The following GRID2 variants were observed in gnomAD, a reference collection of about 807,000 sequenced individuals.
The protein encoded by GRID2 is glutamate receptor ionotropic, delta-2.
In GRID2, 33 loss-of-function variants were observed where a neutral mutation model predicts 114.8. That is an observed-to-expected ratio of 0.29 (90% CI 0.22 to 0.38). GRID2 has a LOEUF of 0.38. GRID2 is among the 10% of genes least tolerant of loss of function. The probability of loss-of-function intolerance (pLI) is 1.00; values close to 1 mark genes in which losing one functional copy is unlikely to be tolerated. For missense variants in GRID2, 1,184 were observed against 1,257.7 expected (o/e 0.94, Z 0.89); for synonymous variants, 505 against 449.9 (o/e 1.12, Z -1.55).
intron 2 of GRID2, among the ~76,000 whole-genome samples, chr4:92,685,695 T>A (rs1229565782): frequency 2.0e-5 from 3 of 152,024 alleles, no homozygotes; most frequent in Non-Finnish European, 2.9e-5. Flanking sequence ...AATTTTAATA[T>A]CCAAGATGTT....
chr4:92,456,356 A>G (rs1721215762), intron 1 of GRID2, among the ~76,000 whole-genome samples: 1 of 152,170 alleles, frequency 6.6e-6, no homozygotes, highest in Non-Finnish European at 1.5e-5. Flanking sequence ...AAATTTGACA[A>G]TAACAGCCAA....
chr4:93,074,425 A>G (rs1729081569), intron 2 of GRID2, among the ~76,000 whole-genome samples: 1 of 152,232 alleles, frequency 6.6e-6, no homozygotes, highest in Non-Finnish European at 1.5e-5. Context: ...ACTAGGGTTA[A>G]TATGTTAGCA....
At chr4:93,768,509 A>G (rs763330309) in intron 14 of GRID2, among the ~76,000 whole-genome samples, 1 of 152,190 alleles carries the variant, frequency 6.6e-6, no homozygotes, top group Non-Finnish European at 1.5e-5. Context: ...GGTTTTTCCT[A>G]TTTGAATTTA....
At chr4:92,776,218 G>A (rs1738785665) in intron 2 of GRID2, among the ~76,000 whole-genome samples, 1 of 152,046 alleles carries the variant, frequency 6.6e-6, no homozygotes, top group Non-Finnish European at 1.5e-5. Flanking sequence ...AATAACTTTT[G>A]TGAAATATTG....
intron 2 of GRID2, among the ~76,000 whole-genome samples, chr4:93,066,267 G>C (rs1221096380): frequency 1.3e-5 from 2 of 151,872 alleles, no homozygotes; most frequent in Non-Finnish European, 2.9e-5. Flanking sequence ...ATAGAGAAAA[G>C]TAACACAGTA....
rs767191374 is a variant in GRID2 at position 93,085,039 on chromosome 4, A to G, written c.289A>G (p.Ile97Val). 5 of 1,613,998 alleles carry G rather than the reference A, an allele frequency of 3.1e-6. No homozygotes were observed. The highest frequency in any genetic ancestry group is 3.3e-5 in the Admixed American group (2 of 59,996). Residue 97 changes from isoleucine to valine, a missense_variant, in exon 3 of 16, where the codon ATT becomes GTT. Around this residue, in one of 3 missense-constraint regions of GRID2, gnomAD observed 455 missense variants for 429.5 expected, o/e 1.06. Transcript: ENST00000282020. ...AGGCATCTTGGCCCTGGTCAGCTCC[A>G]TTGGCTGCACGTCAGCAGGATCCCT... ...NQGILALVSSIGCTSAGSLQS... is the reference protein window; with the variant it reads ...NQGILALVSSVGCTSAGSLQS...
Position 92,304,753 on chromosome 4 carries a change from G to C in GRID2, c.88+9G>C, listed in dbSNP as rs1378106406. On this transcript the variant is annotated intron_variant, in intron 1 of 15. Coordinates refer to ENST00000282020, the MANE Select transcript of GRID2 (RefSeq NM_001510.4). ...TTCGATCATTCACATCGGTAAGAAA[G>C]TGTTGGTGCAGCTCGTGGTTACTTT... The C allele has an allele frequency of 6.3e-7, 1 of 1,589,234 alleles. No individual in the cohort carries two copies.
intron 2 of GRID2, among the ~76,000 whole-genome samples, chr4:93,050,501 T>G (rs1726591328): frequency 7.0e-6 from 1 of 142,176 alleles, no homozygotes; most frequent in African/African-American, 2.7e-5. Flanking sequence ...AGACAAAGAA[T>G]AATACCTGGT....
chr4:92,346,513 G>A (rs889036364), intron 1 of GRID2, among the ~76,000 whole-genome samples: 5 of 152,022 alleles, frequency 3.3e-5, no homozygotes, highest in Admixed American at 2.6e-4. Flanking sequence ...CTGCAAGCAA[G>A]CACCACCATG....
chr4:92,573,430 CTGTT>C (rs1487245843), intron 1 of GRID2, among the ~76,000 whole-genome samples: 4 of 152,048 alleles, frequency 2.6e-5, no homozygotes, highest in Admixed American at 6.6e-5. Flanking sequence ...ATCTTTCTAG[CTGTT>C]TGATGTGGGC....
intron 14 of GRID2, among the ~76,000 whole-genome samples, chr4:93,716,473 CA>C (rs1728913411): frequency 6.6e-6 from 1 of 152,010 alleles, no homozygotes; most frequent in African/African-American, 2.4e-5. Flanking sequence ...CTATTGTCAA[CA>C]GAATATATTA....
At chr4:92,542,331 C>G (rs937525828) in intron 1 of GRID2, among the ~76,000 whole-genome samples, 1 of 152,008 alleles carries the variant, frequency 6.6e-6, no homozygotes, top group African/African-American at 2.4e-5. Context: ...TCCATTGTAC[C>G]TAAACTTTTC....
chr4:93,013,350 A>T (rs1415912599), intron 2 of GRID2, among the ~76,000 whole-genome samples: 1 of 152,004 alleles, frequency 6.6e-6, no homozygotes, highest in Non-Finnish European at 1.5e-5. Flanking sequence ...TTGACACCAT[A>T]TGTTAATACT....
At chr4:92,337,898 T>TA in intron 1 of GRID2, among the ~76,000 whole-genome samples, 1 of 152,260 alleles carries the variant, frequency 6.6e-6, no homozygotes, top group East Asian at 1.9e-4. Flanking sequence ...TCTTAGAAAC[T>TA]AAGCATCTAG....
chr4:93,051,322 G>T (rs940575169), intron 2 of GRID2, among the ~76,000 whole-genome samples: 1 of 152,048 alleles, frequency 6.6e-6, no homozygotes, highest in Non-Finnish European at 1.5e-5. Flanking sequence ...CTGAATTTAA[G>T]TTTGGGACAT....
chr4:93,788,598 G>T (rs1578795882), intron 1 of GRID2, among the ~76,000 whole-genome samples: 1 of 151,942 alleles, frequency 6.6e-6, no homozygotes, highest in Admixed American at 6.6e-5. Flanking sequence ...GAAGAAAAAA[G>T]ATAACAAAAA....
chr4:93,621,257 A>G (rs1742196624), intron 13 of GRID2, among the ~76,000 whole-genome samples: 2 of 152,174 alleles, frequency 1.3e-5, no homozygotes, highest in Admixed American at 6.5e-5. Context: ...TATTACGAGG[A>G]CACAGGTGCT....
intron 13 of GRID2, among the ~76,000 whole-genome samples, chr4:93,516,410 C>G (rs1467055641): frequency 6.6e-6 from 1 of 152,096 alleles, no homozygotes; most frequent in Non-Finnish European, 1.5e-5. Flanking sequence ...GTAATTCTTG[C>G]AGTCAACATA....
chr4:93,764,153 T>G (rs1266820896), intron 14 of GRID2, among the ~76,000 whole-genome samples: 1 of 152,184 alleles, frequency 6.6e-6, no homozygotes, highest in Admixed American at 6.5e-5. Context: ...CTCTTCAAGA[T>G]GAATGCCTAA....
Sources: allele counts gnomAD v4.1 joint callset (sites outside exome capture counted in the v4.1 genomes callset), GRCh38; gene constraint gnomAD v4.1.1; regional missense constraint gnomAD v4.1.1; transcripts MANE v1.5; gene names NCBI Gene and HGNC (gene_info 2026-07-23, HGNC 2026-07-21).